The following TFCP2 variants were observed in gnomAD, a reference collection of about 807,000 sequenced individuals.
The protein encoded by TFCP2 is transcription factor CP2.
In TFCP2, 33 loss-of-function variants were observed where a neutral mutation model predicts 73.4. The ratio of observed to expected loss-of-function variants is 0.45; its 90% CI spans 0.34 to 0.60. TFCP2 has a LOEUF of 0.60. Ranked by LOEUF, TFCP2 falls within the 20% of genes least tolerant of loss-of-function variation. The pLI, the probability that TFCP2 is intolerant of heterozygous loss-of-function variation, is 0.01. For missense variants in TFCP2, 352 were observed against 604.0 expected (o/e 0.58, Z 4.37); for synonymous variants, 193 against 211.6 (o/e 0.91, Z 0.76).
At chr12:51,115,395 C>T (rs1445746345) in intron 4 of TFCP2, among the ~76,000 whole-genome samples, 12 of 152,244 alleles carry the variant, frequency 7.9e-5, no homozygotes, top group South Asian at 4.1e-4. Flanking sequence ...TTTGGGATTA[C>T]AGGCGTGAGC....
At chr12:51,124,550 A>C (rs1225951293) in intron 1 of TFCP2, 1 of 445,662 alleles carries the variant, frequency 2.2e-6, no homozygotes, top group Non-Finnish European at 4.4e-6. Context: ...GCTGTGGCCC[A>C]GTCAGCCTGC....
intron 1 of TFCP2, among the ~76,000 whole-genome samples, chr12:51,152,472 G>A (rs754543895): frequency 3.3e-5 from 5 of 152,110 alleles, no homozygotes; most frequent in Non-Finnish European, 7.4e-5. Context: ...TCTGAATAAG[G>A]TCTATAGATT....
At chr12:51,139,591 T>C (rs146476285) in intron 1 of TFCP2, among the ~76,000 whole-genome samples, 2 of 152,218 alleles carry the variant, frequency 1.3e-5, no homozygotes, top group East Asian at 3.9e-4. Flanking sequence ...TTGCCCAGAC[T>C]GGTGCTGAAC....
chr12:51,102,779 T>C lies in TFCP2; in HGVS notation c.1061-754A>G, dbSNP rs1360723464. Among the ~76,000 whole-genome samples, 3 of 152,278 alleles carry C rather than the reference T, an allele frequency of 2.0e-5. No individual in the cohort carries two copies. The East Asian group carries it at 5.8e-4, about 29-fold the overall frequency. ...CACCTCATGTGTCACACATGTTCCC[T>C]AACACCAATCCTCCCATGAACGTCT... On this transcript the variant is annotated intron_variant, in intron 10 of 14. Coordinates refer to ENST00000257915, the MANE Select transcript of TFCP2 (RefSeq NM_005653.5).
intron 1 of TFCP2, among the ~76,000 whole-genome samples, chr12:51,135,119 A>C (rs1941032553): frequency 1.3e-5 from 2 of 149,660 alleles, no homozygotes; most frequent in South Asian, 4.3e-4. Context: ...AAAAGAAAAA[A>C]AAAAAACAAA....
chr12:51,130,631 A>C (rs952602232), intron 1 of TFCP2, among the ~76,000 whole-genome samples: 1 of 152,196 alleles, frequency 6.6e-6, no homozygotes, highest in Non-Finnish European at 1.5e-5. Context: ...GGCAGAGCCA[A>C]ATGATAACTA....
chr12:51,168,988 G>A (rs946661560), intron 1 of TFCP2, among the ~76,000 whole-genome samples: 1 of 151,600 alleles, frequency 6.6e-6, no homozygotes, highest in Non-Finnish European at 1.5e-5. Context: ...TGTTGGTAGA[G>A]ACAGGGTTTC....
intron 10 of TFCP2, 41 bp downstream of exon 10, chr12:51,103,629 A>G (rs776702449): frequency 1.3e-6 from 2 of 1,562,490 alleles, no homozygotes; most frequent in African/African-American, 2.7e-5. Flanking sequence ...TGCAAAGGAA[A>G]ATTTCATGCT....
chr12:51,151,956 G>T (rs986368623), intron 1 of TFCP2, among the ~76,000 whole-genome samples: 2 of 152,144 alleles, frequency 1.3e-5, no homozygotes, highest in African/African-American at 4.8e-5. Context: ...AAGGCAAAAA[G>T]AGAAAATCAC....
Position 51,109,194 on chromosome 12 carries a change from G to A in TFCP2, c.644C>T (p.Thr215Ile). 6.2e-7 allele frequency: 1 copy of A among 1,614,116 alleles called. No individual in the cohort carries two copies. Among genetic ancestry groups the A allele is most frequent in the Non-Finnish European group, 8.5e-7 (1 of 1,180,000 alleles). The change falls in exon 6 of 15, where the codon ACC (threonine) becomes ATC (isoleucine). Residue 215 changes from threonine to isoleucine, a missense_variant. Coordinates refer to ENST00000257915, the MANE Select transcript of TFCP2 (RefSeq NM_005653.5). Reference sequence around the variant, plus strand: ...TTCCCCGTTTTCATTCTCCTTGAAGGTATCTATTTGTACTCGGAATGGCAC... The same window carrying A: ...TTCCCCGTTTTCATTCTCCTTGAAGATATCTATTTGTACTCGGAATGGCAC... ...KGVPFRVQID[T>I]FKENENGEYT...
chr12:51,108,967 A>C (rs771284178), intron 6 of TFCP2, among the ~76,000 whole-genome samples, 154 bp downstream of exon 6: 10 of 152,278 alleles, frequency 6.6e-5, no homozygotes, highest in Non-Finnish European at 1.5e-4. Flanking sequence ...TTTACCAGGC[A>C]TCTTGGTAAT....
chr12:51,109,360 A>T, intron 5 of TFCP2, 87 bp from the exon 6 acceptor site: 1 of 1,414,838 alleles, frequency 7.1e-7, no homozygotes, highest in East Asian at 2.3e-5. Context: ...TAACAGCAAA[A>T]CCTTTACCAG....
rs569571879 is a variant in TFCP2, at chr12:51,165,912, G to A, written c.122+6389C>T. ...GCCTGTAGTCCCAGCTACTCAGGAG[G>A]CTGAGGCAGGACTGCTTGATCCCCG... is the stretch of plus-strand genomic sequence containing the variant. On this transcript the variant is annotated intron_variant, in intron 1 of 14. Transcript: ENST00000257915. 5.9e-5 allele frequency among the ~76,000 whole-genome samples: 9 copies of A among 152,294 alleles called. No individual in the cohort carries two copies. In the East Asian group the frequency reaches 1.7e-3, roughly 29 times the overall value.
At chr12:51,159,537 C>A (rs980403047) in intron 1 of TFCP2, among the ~76,000 whole-genome samples, 1 of 151,976 alleles carries the variant, frequency 6.6e-6, no homozygotes, top group African/African-American at 2.4e-5. Flanking sequence ...CGGGGTTTCA[C>A]CACATTGGCG....
chr12:51,166,972 T>A (rs927346788), intron 1 of TFCP2, among the ~76,000 whole-genome samples: 147 of 152,294 alleles, frequency 9.7e-4, no homozygotes, highest in African/African-American at 3.2e-3. Context: ...CCACTAGTAG[T>A]CCCTCTCCAT....
chr12:51,137,683 G>A (rs778295497), intron 1 of TFCP2, among the ~76,000 whole-genome samples: 1 of 152,056 alleles, frequency 6.6e-6, no homozygotes, highest in Non-Finnish European at 1.5e-5. Flanking sequence ...ATGGCAACTC[G>A]CAGCAATATT....
chr12:51,103,924 C>T lies in TFCP2; in HGVS notation c.967-161G>A, dbSNP rs560218135. The stretch of plus-strand genomic sequence containing the variant: ...ATGCAAGATGCTCAAGGAGTTCCAT[C>T]CTTTTCTTCCCCACTAGACTATAAG... On this transcript the variant is annotated intron_variant, in intron 9 of 14. Transcript: ENST00000257915. The T allele has an allele frequency of 7.1e-6, 5 of 699,912 alleles. No homozygotes were observed. The African/African-American group carries it at 9.0e-5, about 13-fold the overall frequency. 43.4% of individuals were successfully genotyped at this position (699,912 alleles called of 1,614,324 possible).
intron 1 of TFCP2, among the ~76,000 whole-genome samples, chr12:51,126,515 G>A (rs538099835): frequency 3.9e-5 from 6 of 152,236 alleles, no homozygotes; most frequent in African/African-American, 1.4e-4. Flanking sequence ...TCATAACTGT[G>A]GTTTAGCTTT....
At chr12:51,149,648 A>G (rs2956433) in intron 1 of TFCP2, among the ~76,000 whole-genome samples, 140,455 of 152,198 alleles carry the variant, frequency 0.92, 65,116 homozygotes, top group Non-Finnish European at 0.97. Context: ...CACCCAGGCC[A>G]GAGTGCAGTG....
Sources: gnomAD v4.1 joint callset for allele counts (sites outside exome capture counted in the v4.1 genomes callset) on GRCh38, gnomAD v4.1.1 for gene constraint, MANE v1.5 for transcripts, NCBI Gene and HGNC (gene_info 2026-07-23, HGNC 2026-07-21) for gene names.